The following NFYB variants were observed in gnomAD, a reference collection of about 807,000 sequenced individuals.
The protein encoded by NFYB is nuclear transcription factor Y subunit beta.
NFYB carries 13 observed loss-of-function variants against 28.0 expected under a neutral mutation model. The ratio of observed to expected loss-of-function variants is 0.46; its 90% CI spans 0.30 to 0.74. The LOEUF is 0.74. Ranked by LOEUF, NFYB falls within the 30% of genes least tolerant of loss-of-function variation. The probability of loss-of-function intolerance (pLI) is 0.07; values close to 1 mark genes in which losing one functional copy is unlikely to be tolerated. For synonymous variants in NFYB, 74 were observed against 75.0 expected, an observed-to-expected ratio of 0.99 and a Z score of 0.07; for missense variants, 142 against 247.6, an observed-to-expected ratio of 0.57 and a Z score of 2.86.
intron 4 of NFYB, chr12:104,125,380 G>C (rs2030649686): frequency 1.3e-5 from 2 of 153,524 alleles, no homozygotes. Flanking sequence ...CAGCTACCAG[G>C]GGAGGCTGAG....
chr12:104,131,794 A>T (rs2030934936), intron 2 of NFYB: 1 of 455,950 alleles, frequency 2.2e-6, no homozygotes. Flanking sequence ...TGTCAACAAC[A>T]GACAAGGTCT....
chr12:104,136,828 G>A (rs1382901971), intron 1 of NFYB, among the ~76,000 whole-genome samples: 1 of 152,196 alleles, frequency 6.6e-6, no homozygotes, highest in Admixed American at 6.5e-5. Flanking sequence ...GCATACATCT[G>A]TTTAATGTTT....
chr12:104,134,276 G>A (rs1318850106), intron 2 of NFYB, among the ~76,000 whole-genome samples: 1 of 152,148 alleles, frequency 6.6e-6, no homozygotes, highest in Non-Finnish European at 1.5e-5. Flanking sequence ...ACCCATGCCT[G>A]TAGGGCATGT....
chr12:104,122,528 G>A (rs1439596606), intron 5 of NFYB, among the ~76,000 whole-genome samples: 1 of 152,160 alleles, frequency 6.6e-6, no homozygotes, highest in Non-Finnish European at 1.5e-5. Context: ...CTCCGCCTTC[G>A]GTCAGATCAG....
chr12:104,118,549 CCCT>C lies in NFYB; in HGVS notation c.*1185_*1187del, dbSNP rs1374838234. 9.8e-5 allele frequency: 15 copies of C among 152,528 alleles called. No individual in the cohort carries two copies. The highest frequency in any genetic ancestry group is 3.1e-4 in the African/African-American group (13 of 41,402). The allele number at this position is 152,528 out of a possible 1,614,324, so 9.4% of individuals were successfully genotyped here. A position where few individuals can be genotyped will look rare whatever the true frequency, so the allele number is the denominator to read the frequency against. On this transcript the variant is annotated 3_prime_UTR_variant, in exon 8 of 8. Coordinates refer to ENST00000240055, the MANE Select transcript of NFYB (RefSeq NM_006166.4). ...GATATTAAAAACTTAAAAAAGAAAT[CCCT>C]CAAGTTAATTAACACCAAAAAGAAT... is the stretch of plus-strand genomic sequence containing the variant.
At chr12:104,126,469 A>G (rs1450202091) in intron 3 of NFYB, among the ~76,000 whole-genome samples, 1 of 152,180 alleles carries the variant, frequency 6.6e-6, no homozygotes, top group African/African-American at 2.4e-5. Flanking sequence ...CCTCAAATAT[A>G]CCTGCTAAAA....
chr12:104,135,605 CT>C (rs1259083451), intron 1 of NFYB, 73 bp from the exon 2 acceptor site: 6 of 541,046 alleles, frequency 1.1e-5, no homozygotes, highest in South Asian at 4.1e-5. Context: ...CACTTATAGG[CT>C]TTTTTTCTCA....
Position 104,117,419 on chromosome 12 carries a change from G to A in NFYB, c.*2318C>T, listed in dbSNP as rs1474662705. 6.6e-6 allele frequency: 1 copy of A among 152,104 alleles called. No homozygotes were observed. The highest frequency in any genetic ancestry group is 2.4e-5 in the African/African-American group (1 of 41,444). 9.4% of individuals were successfully genotyped at this position (152,104 alleles called of 1,614,324 possible). The stretch of plus-strand genomic sequence containing the variant: ...TAATTTAAAATTTACTCAAATTCCT[G>A]TTTGTTTGAGACAAGAGTCTTGCTG... On this transcript the variant is annotated 3_prime_UTR_variant, in exon 8 of 8. Transcript: ENST00000240055.
In NFYB at chr12:104,128,524, G is replaced by T. The variant is rs1224181375; in HGVS notation, c.7-7C>A. On this transcript the variant is annotated splice_region_variant and splice_polypyrimidine_tract_variant and intron_variant, in intron 2 of 7. Coordinates refer to ENST00000240055, the MANE Select transcript of NFYB (RefSeq NM_006166.4). ...TAGAACTGTCACCATCCATCTATGA[G>T]GAGAAAAACAGTTTTTCAATACTTT... 6.2e-7 allele frequency: 1 copy of T among 1,600,546 alleles called. No homozygotes were observed. Among genetic ancestry groups the T allele is most frequent in the South Asian group, 1.1e-5 (1 of 89,814 alleles).
At chr12:104,123,670 T>G (rs1450067934) in intron 4 of NFYB, among the ~76,000 whole-genome samples, 1 of 152,138 alleles carries the variant, frequency 6.6e-6, no homozygotes, top group Non-Finnish European at 1.5e-5. Flanking sequence ...AATTTAGATG[T>G]AAAAGAGTGC....
rs1262167309 is a variant in NFYB at position 104,120,700 on chromosome 12, GTA to G, written c.512-223_512-222del. On this transcript the variant is annotated intron_variant, in intron 6 of 7. Coordinates refer to ENST00000240055, the MANE Select transcript of NFYB (RefSeq NM_006166.4). The stretch of plus-strand genomic sequence containing the variant: ...TTTTCAATTTTCCTATCTCTAACAT[GTA>G]CCTTAGCTAACTGCCCATGTGTACA... Among the ~76,000 whole-genome samples, 6 of 152,172 alleles carry G rather than the reference GTA, an allele frequency of 3.9e-5. No homozygotes were observed. In the East Asian group the frequency reaches 1.2e-3, roughly 29 times the overall value.
chr12:104,119,929 G>A (rs933700388), intron 7 of NFYB, among the ~76,000 whole-genome samples, 160 bp from the exon 8 acceptor site: 1 of 151,956 alleles, frequency 6.6e-6, no homozygotes, highest in Non-Finnish European at 1.5e-5. Flanking sequence ...ATGAACATAT[G>A]CTTATTTTTA....
chr12:104,125,642 A>C (rs1404848798), intron 4 of NFYB, among the ~76,000 whole-genome samples: 1 of 152,000 alleles, frequency 6.6e-6, no homozygotes, highest in Non-Finnish European at 1.5e-5. Context: ...TGAGGTCGAG[A>C]GTTCAAGACC....
Position 104,129,116 on chromosome 12 carries a change from T to C in NFYB, c.7-599A>G, listed in dbSNP as rs78518324. On this transcript the variant is annotated intron_variant, in intron 2 of 7. Transcript: ENST00000240055. ...CCTCTTTCTTTTTAAGTGCATAATC[T>C]TCAAATATAGTACCACAGGCAACCC... Among the ~76,000 whole-genome samples, 707 of 152,296 alleles carry C rather than the reference T, an allele frequency of 4.6e-3. 31 individuals are homozygous for C. The East Asian group carries it at 0.11, about 23-fold the overall frequency.
Sources: gnomAD v4.1 joint callset for allele counts (sites outside exome capture counted in the v4.1 genomes callset) on GRCh38, gnomAD v4.1.1 for gene constraint, MANE v1.5 for transcripts, NCBI Gene and HGNC (gene_info 2026-07-23, HGNC 2026-07-21) for gene names.